DOCK8: variants seen among roughly 807,000 people sequenced by gnomAD.
The protein encoded by DOCK8 is dedicator of cytokinesis protein 8.
Under a neutral mutation model 245.6 loss-of-function variants are expected in DOCK8, and 141 were observed. That is an observed-to-expected ratio of 0.57 (90% CI 0.50 to 0.66). The LOEUF is 0.66. Among genes scored for constraint, DOCK8 ranks in the 30% least tolerant of loss-of-function variants. DOCK8 has a pLI of 0.00. For missense variants in DOCK8, 2,965 were observed against 2,603.4 expected (o/e 1.14, Z -3.02); for synonymous variants, 1,168 against 970.2 (o/e 1.20, Z -3.79).
Position 414,778 on chromosome 9 carries a change from A to G in DOCK8, c.3531-4A>G. 5 of 1,614,166 alleles carry G rather than the reference A, an allele frequency of 3.1e-6. No individual in the cohort carries two copies. Among genetic ancestry groups the G allele is most frequent in the Non-Finnish European group, 4.2e-6 (5 of 1,180,010 alleles). ...ACCTCTTGATTCCTGTGTTGTGCCA[A>G]CAGAATCAGCAAAGTACAAAGGAAA... On this transcript the variant is annotated splice_polypyrimidine_tract_variant and splice_region_variant and intron_variant, in intron 28 of 47. Transcript: ENST00000432829.
At chr9:248,579 CTCTG>C (rs796346185) in intron 1 of DOCK8, among the ~76,000 whole-genome samples, 5 of 83,356 alleles carry the variant, frequency 6.0e-5, no homozygotes, top group South Asian at 1.2e-3. Flanking sequence ...CTTTCTCTCT[CTCTG>C]TCTTTCTTTC....
intron 1 of DOCK8, among the ~76,000 whole-genome samples, chr9:239,207 G>A (rs777600396): frequency 1.1e-4 from 17 of 152,080 alleles, no homozygotes; most frequent in Non-Finnish European, 1.9e-4. Flanking sequence ...ATACACACAC[G>A]CATGGCCGCA....
chr9:361,798 A>G (rs773989507), intron 14 of DOCK8, among the ~76,000 whole-genome samples: 1 of 152,164 alleles, frequency 6.6e-6, no homozygotes, highest in Admixed American at 6.5e-5. Flanking sequence ...ATTGACACCA[A>G]TTTTATTTCG....
chr9:369,961 C>T, intron 15 of DOCK8: 7 of 475,540 alleles, frequency 1.5e-5, no homozygotes, highest in Non-Finnish European at 2.7e-5. Flanking sequence ...GCCACCACGC[C>T]TGGCTAATTT....
chr9:348,825 G>A (rs139252722), intron 14 of DOCK8, among the ~76,000 whole-genome samples: 120 of 152,308 alleles, frequency 7.9e-4, no homozygotes, highest in African/African-American at 2.8e-3. Context: ...TTGGGAAGTT[G>A]TGGGGGACGC....
chr9:451,743 A>G (rs77920138), intron 45 of DOCK8, among the ~76,000 whole-genome samples: 2,520 of 150,544 alleles, frequency 0.017, 77 homozygotes, highest in African/African-American at 0.058. Flanking sequence ...GACCTTCCTT[A>G]TTTTTTTTTG....
chr9:379,160 A>G (rs1488982524), intron 20 of DOCK8, among the ~76,000 whole-genome samples: 1 of 152,178 alleles, frequency 6.6e-6, no homozygotes, highest in Non-Finnish European at 1.5e-5. Flanking sequence ...AAAAGGGTAC[A>G]AGGTTAGATA....
chr9:400,262 C>G (rs1315947786), intron 26 of DOCK8, among the ~76,000 whole-genome samples: 3 of 84,402 alleles, frequency 3.6e-5, no homozygotes, highest in Admixed American at 1.1e-4. Flanking sequence ...ATCACCACCA[C>G]CTCCACCATC....
rs1008316663 is a variant in DOCK8, at chr9:238,817, C to G, written c.53+23788C>G. 3.0e-4 allele frequency among the ~76,000 whole-genome samples: 46 copies of G among 152,154 alleles called. 1 individual carries two copies. Among genetic ancestry groups the G allele is most frequent in the Non-Finnish European group, 1.3e-4 (9 of 68,018 alleles). On this transcript the variant is annotated intron_variant, in intron 1 of 47. Coordinates refer to ENST00000432829, the MANE Select transcript of DOCK8 (RefSeq NM_203447.4). ...TTCATATAAGAAAAATTAATGCAAA[C>G]AAGTACAATAATTATTTACTGAGTT... is the stretch of plus-strand genomic sequence containing the variant.
intron 39 of DOCK8, among the ~76,000 whole-genome samples, chr9:435,934 C>T (rs112180862): frequency 2.6e-5 from 4 of 152,184 alleles, no homozygotes; most frequent in Non-Finnish European, 4.4e-5. Flanking sequence ...GCCAGACTCA[C>T]GAAGTCATTT....
At chr9:214,512 C>T (rs748123714), upstream of DOCK8, 3 of 1,612,790 alleles carry the variant, frequency 1.9e-6, no homozygotes, top group Non-Finnish European at 1.7e-6. Context: ...CCTAGCCTTA[C>T]GAATCCCTGG....
chr9:294,989 G>A (rs868850862), intron 4 of DOCK8, among the ~76,000 whole-genome samples: 81 of 152,038 alleles, frequency 5.3e-4, no homozygotes, highest in African/African-American at 1.6e-3. Context: ...GTGAAACCCC[G>A]TCTCTACTAA....
chr9:345,027 G>A (rs188081298), intron 14 of DOCK8, among the ~76,000 whole-genome samples: 3 of 152,138 alleles, frequency 2.0e-5, no homozygotes, highest in South Asian at 2.1e-4. Flanking sequence ...ACTCCAGCCT[G>A]GGCAACAGAG....
chr9:265,039 C>G (rs889229138), intron 1 of DOCK8, among the ~76,000 whole-genome samples: 1 of 152,206 alleles, frequency 6.6e-6, no homozygotes, highest in Non-Finnish European at 1.5e-5. Flanking sequence ...TCAAGCGATT[C>G]TCCTGCCTCA....
intron 22 of DOCK8, among the ~76,000 whole-genome samples, chr9:385,593 T>C (rs10973420): frequency 0.29 from 44,103 of 152,138 alleles, 6,811 homozygotes; most frequent in African/African-American, 0.39. Flanking sequence ...TTCTATGACA[T>C]CGTGTTGGTA....
chr9:214,944 C>A lies in DOCK8; in HGVS notation c.-33C>A. On this transcript the variant is annotated 5_prime_UTR_variant, in exon 1 of 48. Coordinates refer to ENST00000432829, the MANE Select transcript of DOCK8 (RefSeq NM_203447.4). ...CCAGGCCCCCGCTTTCCGCACCCCGCGACCCTAGAAGCCACCGAACCGCCG... is the reference window on the plus strand; with the variant it reads ...CCAGGCCCCCGCTTTCCGCACCCCGAGACCCTAGAAGCCACCGAACCGCCG... 6.2e-7 allele frequency: 1 copy of A among 1,604,302 alleles called. No individual in the cohort carries two copies. Among genetic ancestry groups the A allele is most frequent in the East Asian group, 2.3e-5 (1 of 44,156 alleles).
intron 14 of DOCK8, among the ~76,000 whole-genome samples, chr9:346,032 G>C (rs1481985232): frequency 6.6e-6 from 1 of 151,998 alleles, no homozygotes; most frequent in Non-Finnish European, 1.5e-5. Context: ...GCCCTCTGCA[G>C]TGCCATGTGC....
intron 1 of DOCK8, among the ~76,000 whole-genome samples, chr9:230,258 A>G (rs1457210519): frequency 6.6e-6 from 1 of 151,866 alleles, no homozygotes; most frequent in Non-Finnish European, 1.5e-5. Flanking sequence ...GCTGCATAGT[A>G]TTCCACGGTG....
chr9:368,503 C>G, intron 15 of DOCK8: 1 of 582,960 alleles, frequency 1.7e-6, no homozygotes, highest in South Asian at 2.0e-5. Context: ...AAACTGTACA[C>G]ACTGTGTTAT....
Sources: allele counts gnomAD v4.1 joint callset (sites outside exome capture counted in the v4.1 genomes callset), GRCh38; gene constraint gnomAD v4.1.1; transcripts MANE v1.5; gene names NCBI Gene and HGNC (gene_info 2026-07-23, HGNC 2026-07-21).